Variants in EIF2AK1 observed in about 807,000 individuals in gnomAD.
The protein encoded by EIF2AK1 is eukaryotic translation initiation factor 2 alpha kinase 1.
A neutral mutation model predicts 77.9 loss-of-function variants in EIF2AK1; 54 were observed. The ratio of observed to expected loss-of-function variants is 0.69; its 90% CI spans 0.56 to 0.87. EIF2AK1 has a LOEUF of 0.87. Ranked by LOEUF, EIF2AK1 falls within the 40% of genes least tolerant of loss-of-function variation. The pLI, the probability that EIF2AK1 is intolerant of heterozygous loss-of-function variation, is 0.00. For missense variants in EIF2AK1, 810 were observed against 768.6 expected (o/e 1.05, Z -0.64); for synonymous variants, 314 against 290.5 (o/e 1.08, Z -0.82).
In EIF2AK1 at chr7:6,041,030, T is replaced by G; in HGVS notation, c.981A>C (p.Glu327Asp). The change falls in exon 9 of 15, where the codon GAA becomes GAC. Residue 327 changes from glutamate (E) to aspartate (D), a missense_variant. Glu to Asp is a conservative substitution (Grantham distance 45). This residue lies in a region of EIF2AK1 where 549 missense variants were observed against 533.7 expected (regional missense o/e 1.03). Coordinates refer to ENST00000199389, the MANE Select transcript of EIF2AK1 (RefSeq NM_014413.4). ...TGGCAGACAAACCAGCCAAGCCATT[T>G]TCCTGGAGCTCCAGGGTCGACTCAA... is the stretch of plus-strand genomic sequence containing the variant. Reference protein sequence around the residue: ...GELESTLELQENGLAGLSASS... With the variant: ...GELESTLELQDNGLAGLSASS... The G allele has an allele frequency of 6.2e-7, 1 of 1,614,174 alleles. No homozygotes were observed. Among genetic ancestry groups the G allele is most frequent in the East Asian group, 2.2e-5 (1 of 44,890 alleles).
chr7:6,044,096 C>A (rs1384231200), intron 7 of EIF2AK1, among the ~76,000 whole-genome samples: 11 of 151,178 alleles, frequency 7.3e-5, no homozygotes, highest in African/African-American at 1.7e-4. Context: ...GAGACTCTGT[C>A]TCAAAAAAAA....
In EIF2AK1 at chr7:6,027,609, G is replaced by C. The variant is rs761734358; in HGVS notation, c.1531-648C>G. Reference sequence around the variant, plus strand: ...GAACAAGGGAGATTCAAACTTTACAGCATGTTCGTTCTATTTCAAGGGGAG... The same window carrying C: ...GAACAAGGGAGATTCAAACTTTACACCATGTTCGTTCTATTTCAAGGGGAG... On this transcript the variant is annotated intron_variant, in intron 13 of 14. Coordinates refer to ENST00000199389, the MANE Select transcript of EIF2AK1 (RefSeq NM_014413.4). The surrounding 1 kb of genome is among the most constrained non-coding windows in gnomAD (Gnocchi z 4.5). Among the ~76,000 whole-genome samples the C allele has an allele frequency of 6.6e-6, 1 of 152,016 alleles. No homozygotes were observed. Among genetic ancestry groups the C allele is most frequent in the Non-Finnish European group, 1.5e-5 (1 of 67,998 alleles).
Position 6,046,163 on chromosome 7 carries a change from A to C in EIF2AK1, c.550-12T>G. ...AATTTATTCCTGACCTGAAAAGTAG[A>C]AAAAAAGACAAAGTATATTGTGTCA... On this transcript the variant is annotated splice_polypyrimidine_tract_variant and intron_variant, in intron 5 of 14. Transcript: ENST00000199389. 1 of 1,411,976 alleles carries C rather than the reference A, an allele frequency of 7.1e-7. No individual in the cohort carries two copies. The highest frequency in any genetic ancestry group is 1.5e-5 in the African/African-American group (1 of 68,024). 87.5% of individuals were successfully genotyped at this position (1,411,976 alleles called of 1,614,324 possible).
At chr7:6,038,693 G>C (rs761177912) in intron 9 of EIF2AK1, 22 bp from the exon 10 acceptor site, 1 of 1,569,470 alleles carries the variant, frequency 6.4e-7, no homozygotes. Flanking sequence ...CACAGTGATG[G>C]CTCCCATCTT....
At chr7:6,029,505 A>C (rs958798256) in intron 11 of EIF2AK1, among the ~76,000 whole-genome samples, 5 of 152,130 alleles carry the variant, frequency 3.3e-5, no homozygotes, top group South Asian at 2.1e-4. Context: ...AAAAAAAAAA[A>C]ACCTCAACAT....
chr7:6,055,466 A>T (rs766647314), intron 1 of EIF2AK1, among the ~76,000 whole-genome samples: 2 of 151,998 alleles, frequency 1.3e-5, no homozygotes, highest in Non-Finnish European at 2.9e-5. Context: ...ATGCTCAAAA[A>T]ATAATATAAG....
chr7:6,031,470 T>C, intron 11 of EIF2AK1: 3 of 1,550,680 alleles, frequency 1.9e-6, no homozygotes, highest in Non-Finnish European at 2.6e-6. Flanking sequence ...CACTCGAAAC[T>C]CTATGAAGCC....
chr7:6,034,784 G>A (rs1223922849), intron 11 of EIF2AK1, among the ~76,000 whole-genome samples: 1 of 152,202 alleles, frequency 6.6e-6, no homozygotes, highest in Non-Finnish European at 1.5e-5. Context: ...AAGCGCTTCT[G>A]AGATGAGGGC....
At chr7:6,052,425 A>C (rs1160722238) in intron 2 of EIF2AK1, among the ~76,000 whole-genome samples, 3 of 151,578 alleles carry the variant, frequency 2.0e-5, no homozygotes, top group Non-Finnish European at 4.4e-5. Context: ...AGAGTGTATT[A>C]TTTGCTTTAT....
chr7:6,035,478 C>G lies in EIF2AK1; in HGVS notation c.1332+1946G>C. On this transcript the variant is annotated intron_variant, in intron 11 of 14. Coordinates refer to ENST00000199389, the MANE Select transcript of EIF2AK1 (RefSeq NM_014413.4). The surrounding 1 kb of genome is among the most constrained non-coding windows in gnomAD (Gnocchi z 5.5). ...AGGCCTCACCACACTCAACTTAATGCTACTGCACTGGCCAGTCACTTCCAC... is the reference window on the plus strand; with the variant it reads ...AGGCCTCACCACACTCAACTTAATGGTACTGCACTGGCCAGTCACTTCCAC... 6.4e-7 allele frequency: 1 copy of G among 1,550,910 alleles called. No individual in the cohort carries two copies. Among genetic ancestry groups the G allele is most frequent in the Non-Finnish European group, 8.7e-7 (1 of 1,147,052 alleles).
Position 6,027,020 on chromosome 7 carries a change from C to A in EIF2AK1, c.1531-59G>T, listed in dbSNP as rs1000547793. The A allele has an allele frequency of 1.4e-6, 2 of 1,417,950 alleles. No homozygotes were observed. Among genetic ancestry groups the A allele is most frequent in the African/African-American group, 2.8e-5 (2 of 70,770 alleles). The allele number at this position is 1,417,950 out of a possible 1,614,324, so 87.8% of individuals were successfully genotyped here. A position where few individuals can be genotyped will look rare whatever the true frequency, so the allele number is the denominator to read the frequency against. On this transcript the variant is annotated intron_variant, in intron 13 of 14. Transcript: ENST00000199389. This position sits in a 1 kb window ranked among gnomAD's most constrained non-coding sequence, Gnocchi z 4.5. ...AAATACAAAGTTAGAAGAACGTTTC[C>A]ATTTCCGTGTTCCACCCTCCAAACA...
At chr7:6,058,350 G>C (rs1469858976) in intron 1 of EIF2AK1, 1 of 345,946 alleles carries the variant, frequency 2.9e-6, no homozygotes, top group African/African-American at 2.2e-5. Context: ...CCAGGAGTTG[G>C]AGGCTGCAAT....
intron 6 of EIF2AK1, among the ~76,000 whole-genome samples, chr7:6,045,825 C>T (rs543770): frequency 0.035 from 5,217 of 150,374 alleles, 311 homozygotes; most frequent in African/African-American, 0.12. Context: ...TTGAACCCTG[C>T]GGGGCGGAGG....
chr7:6,046,417 C>A (rs1036326978), intron 5 of EIF2AK1: 1 of 233,438 alleles, frequency 4.3e-6, no homozygotes, highest in Non-Finnish European at 8.2e-6. Flanking sequence ...AGTAGTACAA[C>A]TTTTTTTGGT....
In EIF2AK1 at chr7:6,059,098, G is replaced by A. The variant is rs768655618; in HGVS notation, c.-15C>T. ...CCCCCCTGCATCGCCGGCCGCGCGC[G>A]GGCCGCAGCCCAGCCCGCCGGCCAG... On this transcript the variant is annotated 5_prime_UTR_variant, in exon 1 of 15. Coordinates refer to ENST00000199389, the MANE Select transcript of EIF2AK1 (RefSeq NM_014413.4). 31 of 1,368,628 alleles carry A rather than the reference G, an allele frequency of 2.3e-5. No individual in the cohort carries two copies. Among genetic ancestry groups the A allele is most frequent in the Non-Finnish European group, 2.9e-5 (31 of 1,066,288 alleles). The allele number at this position is 1,368,628 out of a possible 1,614,324, so 84.8% of individuals were successfully genotyped here.
At chr7:6,053,548 A>G (rs1053849393) in intron 2 of EIF2AK1, among the ~76,000 whole-genome samples, 5 of 151,952 alleles carry the variant, frequency 3.3e-5, no homozygotes, top group African/African-American at 1.2e-4. Flanking sequence ...TATTTTTAGT[A>G]GAGACAGGGT....
chr7:6,023,257 T>A lies in EIF2AK1; in HGVS notation c.*1416A>T, dbSNP rs1222558557. 1 of 1,540,258 alleles carries A rather than the reference T, an allele frequency of 6.5e-7. No homozygotes were observed. Among genetic ancestry groups the A allele is most frequent in the African/African-American group, 1.4e-5 (1 of 72,840 alleles). On this transcript the variant is annotated 3_prime_UTR_variant, in exon 15 of 15. Transcript: ENST00000199389. ...CTTCCCCACTGTGCGAGTACTTCCC[T>A]CAGGGCTGCTCTGGTGATGCTACCT...
chr7:6,059,035 C>G lies in EIF2AK1; in HGVS notation c.49G>C (p.Gly17Arg). The change falls in exon 1 of 15, where the codon GGG becomes CGG. Residue 17 changes from glycine to arginine, a missense_variant. This residue lies in a region of EIF2AK1 where 246 missense variants were observed against 199.0 expected (regional missense o/e 1.24). Transcript: ENST00000199389. Reference sequence around the variant, plus strand: ...GGCGGCGCAGCCACAGCCCCAGCCCCGTCGCCCTCCTCTTCGCGCTTGCGG... The same window carrying G: ...GGCGGCGCAGCCACAGCCCCAGCCCGGTCGCCCTCCTCTTCGCGCTTGCGG... Reference protein sequence around the residue: ...GVRKREEEGDGAGAVAAPPAI... With the variant: ...GVRKREEEGDRAGAVAAPPAI... 2.0e-6 allele frequency: 3 copies of G among 1,517,894 alleles called. No homozygotes were observed. The highest frequency in any genetic ancestry group is 2.6e-6 in the Non-Finnish European group (3 of 1,138,152). The allele number at this position is 1,517,894 out of a possible 1,614,324, so 94.0% of individuals were successfully genotyped here. A position where few individuals can be genotyped will look rare whatever the true frequency, so the allele number is the denominator to read the frequency against.
At position 6,056,609 on chromosome 7, in the gene EIF2AK1, A is replaced by AT. The variant is rs1386645880; in HGVS notation, c.119-1906_119-1905insA. Reference sequence around the variant, plus strand: ...ACTCCATCTCAAGGGAAAAAAAAAAAAAAAATATATATATATATATATATA... The same window carrying AT: ...ACTCCATCTCAAGGGAAAAAAAAAAATAAAAATATATATATATATATATATA... On this transcript the variant is annotated intron_variant, in intron 1 of 14. Coordinates refer to ENST00000199389, the MANE Select transcript of EIF2AK1 (RefSeq NM_014413.4). Among the ~76,000 whole-genome samples, 158 of 26,704 alleles carry AT rather than the reference A, an allele frequency of 5.9e-3. 2 individuals are homozygous for AT. Among genetic ancestry groups the AT allele is most frequent in the African/African-American group, 0.025 (126 of 4,988 alleles). 17.5% of individuals were successfully genotyped at this position (26,704 alleles called of 152,430 possible).
Sources: gnomAD v4.1 joint callset for allele counts (sites outside exome capture counted in the v4.1 genomes callset) on GRCh38, gnomAD v4.1.1 for gene constraint, gnomAD v4.1.1 regional missense constraint, Gnocchi (gnomAD v3.1) non-coding constraint, MANE v1.5 for transcripts, NCBI Gene and HGNC (gene_info 2026-07-23, HGNC 2026-07-21) for gene names.